The following SH3D21 variants were observed in gnomAD, a reference collection of about 807,000 sequenced individuals.
SH3D21 encodes SH3 domain-containing protein 21.
A neutral mutation model predicts 82.1 loss-of-function variants in SH3D21; 83 were observed. That is an observed-to-expected ratio of 1.01 (90% confidence interval 0.85 to 1.21). The LOEUF is 1.21. Among genes scored for constraint, SH3D21 ranks in the 50% most tolerant of loss-of-function variants. The pLI is 0.00. For synonymous variants in SH3D21, 383 were observed against 387.8 expected, an observed-to-expected ratio of 0.99 and a Z score of 0.15; for missense variants, 980 against 962.1, an observed-to-expected ratio of 1.02 and a Z score of -0.25.
intron 10 of SH3D21, among the ~76,000 whole-genome samples, chr1:36,316,895 C>G (rs1341424494): frequency 6.6e-6 from 1 of 151,926 alleles, no homozygotes; most frequent in Non-Finnish European, 1.5e-5. Flanking sequence ...CCCCACGTAG[C>G]TGGGACTGAA....
At chr1:36,314,134 C>A (rs1646297628) in intron 10 of SH3D21, among the ~76,000 whole-genome samples, 1 of 150,858 alleles carries the variant, frequency 6.6e-6, no homozygotes, top group Non-Finnish European at 1.5e-5. Context: ...CGCCACCACA[C>A]CCAGCTAATT....
In SH3D21 at chr1:36,319,268, G is replaced by C. The variant is rs141873075; in HGVS notation, c.872G>C (p.Arg291Pro). The change falls in exon 12 of 16, where the codon CGG (arginine) becomes CCG (proline). Residue 291 changes from arginine to proline, a missense_variant. By Grantham distance (103) the Arg-to-Pro change is moderately radical. Transcript: ENST00000453908. ...TTGPSKAKTS[R>P]TPSRDSQKLT... ...ATGAAGATATGTTCCAGGACATCTC[G>C]GACACCCAGCAGGGACAGTCAGAAG... The C allele has an allele frequency of 5.8e-6, 9 of 1,551,584 alleles. No individual in the cohort carries two copies. Among genetic ancestry groups the C allele is most frequent in the Non-Finnish European group, 7.8e-6 (9 of 1,146,968 alleles).
At position 36,308,116 on chromosome 1, in the gene SH3D21, C is replaced by A; in HGVS notation, c.546C>A (p.His182Gln). ...GGACTGACCTCTTCCCAGTCTCCCA[C>A]CCTGAGGTCTACAGGGTCCTGTTTG... ...SPPDYLQTVSHPEVYRVLFDY... is the reference protein window; with the variant it reads ...SPPDYLQTVSQPEVYRVLFDY... Residue 182 changes from histidine (H) to glutamine (Q), a missense_variant, in exon 8 of 16, where the codon CAC becomes CAA. His to Gln is a conservative substitution (Grantham distance 24, BLOSUM62 0). Transcript: ENST00000453908. 1 of 1,548,528 alleles carries A rather than the reference C, an allele frequency of 6.5e-7. No individual in the cohort carries two copies. The highest frequency in any genetic ancestry group is 8.7e-7 in the Non-Finnish European group (1 of 1,145,214).
At chr1:36,324,322 A>G (rs935030155), downstream of SH3D21, 5 of 152,216 alleles carry the variant, frequency 3.3e-5, no homozygotes, top group Admixed American at 2.6e-4. Context: ...CTTGTGGCAG[A>G]TCCCACCCCA....
At position 36,320,340 on chromosome 1, in the gene SH3D21, C is replaced by T. The variant is rs568915198; in HGVS notation, c.1677C>T (p.Ser559=). The T allele has an allele frequency of 1.5e-4, 235 of 1,613,314 alleles. 4 individuals are homozygous for T. In the South Asian group the frequency reaches 2.4e-3, roughly 17 times the overall value. Residue 559 remains serine (S), a synonymous_variant, in exon 14 of 16, where the codon AGC becomes AGT. Transcript: ENST00000453908. The part of the protein sequence containing the change: ...EMKCTLVRGD[S]SPRQAELKSG... ...AATGTACCCTAGTTAGAGGGGACAG[C>T]TCCCCACGCCAGGCTGAGTTGAAGT...
At chr1:36,311,699 C>T (rs1236718174) in intron 10 of SH3D21, among the ~76,000 whole-genome samples, 1 of 147,822 alleles carries the variant, frequency 6.8e-6, no homozygotes, top group Non-Finnish European at 1.5e-5. Flanking sequence ...TGGGGGGTTT[C>T]TTTTTTTTTT....
chr1:36,309,299 C>A (rs1009691021), intron 9 of SH3D21, among the ~76,000 whole-genome samples: 1 of 151,892 alleles, frequency 6.6e-6, no homozygotes, highest in Non-Finnish European at 1.5e-5. Context: ...CAGGTTCAAG[C>A]GACTCTCCTG....
chr1:36,308,544 C>A lies in SH3D21; in HGVS notation c.726+69C>A. 4.5e-6 allele frequency: 6 copies of A among 1,326,754 alleles called. No homozygotes were observed. In the South Asian group the frequency reaches 7.6e-5, roughly 17 times the overall value. The allele number at this position is 1,326,754 out of a possible 1,614,324, so 82.2% of individuals were successfully genotyped here. A position where few individuals can be genotyped will look rare whatever the true frequency, so the allele number is the denominator to read the frequency against. ...TTTGGACAAAGGTGGGGATCATGGG[C>A]ACTCTCCGGACCTAGCTGGAGGGTC... On this transcript the variant is annotated intron_variant, in intron 9 of 15. Coordinates refer to ENST00000453908, the MANE Select transcript of SH3D21 (RefSeq NM_001162530.2).
Position 36,307,312 on chromosome 1 carries a change from T to G in SH3D21, c.345+27T>G. 1 of 1,550,992 alleles carries G rather than the reference T, an allele frequency of 6.4e-7. No homozygotes were observed. ...TGAGGGGTGAGGTGATGGGACCGTT[T>G]GGGGGAGGATGATGGAACGCGCCTC... On this transcript the variant is annotated intron_variant, in intron 4 of 15. Coordinates refer to ENST00000453908, the MANE Select transcript of SH3D21 (RefSeq NM_001162530.2). The surrounding 1 kb of genome is among the most constrained non-coding windows in gnomAD (Gnocchi z 5.4).
At chr1:36,310,592 G>T (rs1200360489) in intron 10 of SH3D21, among the ~76,000 whole-genome samples, 1 of 151,204 alleles carries the variant, frequency 6.6e-6, no homozygotes, top group Admixed American at 6.6e-5. Flanking sequence ...GCCAGCGTAG[G>T]TGAGAGTGAG....
downstream of SH3D21, chr1:36,322,830 C>G (rs1646490826): frequency 6.7e-7 from 1 of 1,493,174 alleles, no homozygotes; most frequent in East Asian, 2.3e-5. Flanking sequence ...CCTGTAACCC[C>G]TACTCGAAGG....
In SH3D21 at chr1:36,307,339, C is replaced by T. The variant is rs1264152246; in HGVS notation, c.345+54C>T. The T allele has an allele frequency of 6.5e-6, 10 of 1,545,634 alleles. No homozygotes were observed. The highest frequency in any genetic ancestry group is 2.0e-5 in the Admixed American group (1 of 50,824). ...GGGGAGGATGATGGAACGCGCCTCC[C>T]TAGTGAGCGGGGTGGGAAGTGAGGG... is the stretch of plus-strand genomic sequence containing the variant. On this transcript the variant is annotated intron_variant, in intron 4 of 15. Coordinates refer to ENST00000453908, the MANE Select transcript of SH3D21 (RefSeq NM_001162530.2). This position sits in a 1 kb window ranked among gnomAD's most constrained non-coding sequence, Gnocchi z 5.4.
At chr1:36,312,635 A>G (rs1166494412) in intron 10 of SH3D21, among the ~76,000 whole-genome samples, 1 of 152,212 alleles carries the variant, frequency 6.6e-6, no homozygotes, top group African/African-American at 2.4e-5. Context: ...AGGATCTCTC[A>G]TACAATATTA....
chr1:36,322,147 G>C (rs888906797), downstream of SH3D21: 56 of 1,354,272 alleles, frequency 4.1e-5, 1 homozygote, highest in African/African-American at 7.9e-4. Flanking sequence ...TGGCAGGACT[G>C]GGGAAGGGAG....
At chr1:36,322,951 C>A (rs768830228), downstream of SH3D21, 9 of 1,606,682 alleles carry the variant, frequency 5.6e-6, no homozygotes, top group South Asian at 9.9e-5. Context: ...GGCCCCCAGT[C>A]TTCCGGCGCC....
downstream of SH3D21, chr1:36,323,536 C>T (rs1646505373): frequency 6.6e-6 from 1 of 152,082 alleles, no homozygotes; most frequent in South Asian, 2.1e-4. Flanking sequence ...CGCCCCCGCC[C>T]GCTCGGGTCC....
chr1:36,307,124 T>C lies in SH3D21; in HGVS notation c.227-43T>C, dbSNP rs1646142447. On this transcript the variant is annotated intron_variant, in intron 3 of 15. Coordinates refer to ENST00000453908, the MANE Select transcript of SH3D21 (RefSeq NM_001162530.2). This position sits in a 1 kb window ranked among gnomAD's most constrained non-coding sequence, Gnocchi z 5.4. ...TTGCGCTTCCCCCAGCTCCTCTGAC[T>C]GGGGCGTCCGACTGGAGCTCAGCCG... The C allele has an allele frequency of 6.5e-7, 1 of 1,549,408 alleles. No homozygotes were observed. The highest frequency in any genetic ancestry group is 2.4e-5 in the East Asian group (1 of 40,864).
At chr1:36,315,135 G>T (rs1003698020) in intron 10 of SH3D21, among the ~76,000 whole-genome samples, 25 of 151,896 alleles carry the variant, frequency 1.6e-4, no homozygotes, top group African/African-American at 5.6e-4. Context: ...AATTAGCAGG[G>T]CGTGGTGGCG....
At position 36,320,064 on chromosome 1, in the gene SH3D21, C is replaced by T. The variant is rs1400967633; in HGVS notation, c.1401C>T (p.Val467=). The change falls in exon 14 of 16, where the codon GTC becomes GTT. Residue 467 remains valine (V), a synonymous_variant. Transcript: ENST00000453908. ...TAGAAGCCCCACCTATGGATAAAGT[C>T]CCTAATCCAAAGATGGCCCCTCTGG... ...PALEAPPMDK[V]PNPKMAPLGD... is the part of the protein sequence containing the mutation. 1 of 1,614,066 alleles carries T rather than the reference C, an allele frequency of 6.2e-7. No homozygotes were observed.
Sources: allele counts gnomAD v4.1 joint callset (sites outside exome capture counted in the v4.1 genomes callset), GRCh38; gene constraint gnomAD v4.1.1; non-coding constraint Gnocchi (gnomAD v3.1); transcripts MANE v1.5; gene names NCBI Gene and HGNC (gene_info 2026-07-23, HGNC 2026-07-21).